The following GNA13 variants were observed in gnomAD, a reference collection of about 807,000 sequenced individuals.
GNA13 encodes the protein G protein subunit alpha 13, also known as guanine nucleotide-binding protein subunit alpha-13.
Under a neutral mutation model 33.5 loss-of-function variants are expected in GNA13, and 4 were observed. The observed-to-expected ratio is 0.12, with a 90% CI of 0.06 to 0.27. The LOEUF (loss-of-function observed/expected upper bound fraction) is 0.27, where lower values mean the gene tolerates loss of function less well. GNA13 is among the 10% of genes least tolerant of loss of function. The pLI is 1.00. For missense variants in GNA13, 319 were observed against 487.2 expected (o/e 0.65, Z 3.25); for synonymous variants, 176 against 183.8 (o/e 0.96, Z 0.34).
chr17:65,055,517 T>C, intron 1 of GNA13: 1 of 701,570 alleles, frequency 1.4e-6, no homozygotes, highest in Non-Finnish European at 1.8e-6. Flanking sequence ...TGGTACTCCC[T>C]TCCTGCCAGC....
chr17:65,039,924 T>A (rs1907394029), intron 2 of GNA13, among the ~76,000 whole-genome samples: 1 of 152,196 alleles, frequency 6.6e-6, no homozygotes, highest in Non-Finnish European at 1.5e-5. Flanking sequence ...AATAACACAT[T>A]TCCTGTAATC....
chr17:65,045,524 A>AC (rs1298591925), intron 2 of GNA13, among the ~76,000 whole-genome samples: 29 of 151,562 alleles, frequency 1.9e-4, no homozygotes, highest in Middle Eastern at 3.4e-3. Context: ...AAAAAAAAAA[A>AC]AAAACCAAAC....
At chr17:65,032,656 G>A (rs909075984) in intron 2 of GNA13, among the ~76,000 whole-genome samples, 2 of 152,164 alleles carry the variant, frequency 1.3e-5, no homozygotes, top group Non-Finnish European at 2.9e-5. Flanking sequence ...CTGGTTCTCA[G>A]AGCTTACCAT....
chr17:65,030,788 G>A (rs1408392798), intron 2 of GNA13, among the ~76,000 whole-genome samples: 1 of 152,150 alleles, frequency 6.6e-6, no homozygotes, highest in Non-Finnish European at 1.5e-5. Flanking sequence ...CAAGATCAGA[G>A]GACTTTTTGA....
rs745582880 is a variant in GNA13, at chr17:65,018,319, AAAC to A, written c.511-19_511-17del. 1.7e-5 allele frequency: 22 copies of A among 1,289,808 alleles called. No homozygotes were observed. In the Middle Eastern group the frequency reaches 5.5e-4, roughly 32 times the overall value. 79.9% of individuals were successfully genotyped at this position (1,289,808 alleles called of 1,614,324 possible). ...CAGATTCACCCTAAAAACAAGAAGA[AAAC>A]AAATAGTTATTAGGGCTTAGAAATG... On this transcript the variant is annotated splice_polypyrimidine_tract_variant and intron_variant, in intron 2 of 3. Coordinates refer to ENST00000439174, the MANE Select transcript of GNA13 (RefSeq NM_006572.6).
At chr17:65,029,008 GAGA>G (rs1321942968) in intron 2 of GNA13, among the ~76,000 whole-genome samples, 2 of 152,146 alleles carry the variant, frequency 1.3e-5, no homozygotes, top group African/African-American at 2.4e-5. Flanking sequence ...ATATAATACT[GAGA>G]AGTTCACCTG....
intron 1 of GNA13, among the ~76,000 whole-genome samples, chr17:65,055,420 C>A (rs942135922): frequency 6.6e-6 from 1 of 152,186 alleles, no homozygotes; most frequent in Non-Finnish European, 1.5e-5. Flanking sequence ...TCTAACTCAA[C>A]ACTCATTCAT....
rs192248295 is a variant in GNA13, at chr17:65,036,365, G to C, written c.510+17137C>G. 1.8e-3 allele frequency among the ~76,000 whole-genome samples: 278 copies of C among 152,278 alleles called. 2 individuals are homozygous for C. Among genetic ancestry groups the C allele is most frequent in the Admixed American group, 2.9e-3 (45 of 15,290 alleles). On this transcript the variant is annotated intron_variant, in intron 2 of 3. Coordinates refer to ENST00000439174, the MANE Select transcript of GNA13 (RefSeq NM_006572.6). ...AGCAAGGCAGCTGAGTATCAGCCTCGGGCTTTGGAATCCTACAACCCGGAG... is the reference window on the plus strand; with the variant it reads ...AGCAAGGCAGCTGAGTATCAGCCTCCGGCTTTGGAATCCTACAACCCGGAG...
At chr17:65,046,101 C>T (rs1465330927) in intron 2 of GNA13, among the ~76,000 whole-genome samples, 1 of 152,082 alleles carries the variant, frequency 6.6e-6, no homozygotes, top group Non-Finnish European at 1.5e-5. Context: ...AACAGTATAT[C>T]TTGTTTTGCT....
chr17:65,039,595 CT>C (rs1002486130), intron 2 of GNA13, among the ~76,000 whole-genome samples: 1 of 152,234 alleles, frequency 6.6e-6, no homozygotes, highest in African/African-American at 2.4e-5. Flanking sequence ...CTGGAGCATT[CT>C]TCCCCCTCCT....
chr17:65,048,199 T>C (rs1028462009), intron 2 of GNA13, among the ~76,000 whole-genome samples: 4 of 152,302 alleles, frequency 2.6e-5, no homozygotes, highest in African/African-American at 9.6e-5. Flanking sequence ...GTAACAAGTG[T>C]TGCCTTATTT....
At chr17:65,044,846 G>A (rs550693427) in intron 2 of GNA13, among the ~76,000 whole-genome samples, 14 of 151,682 alleles carry the variant, frequency 9.2e-5, no homozygotes, top group Admixed American at 8.5e-4. Context: ...AGTTCAAGAC[G>A]AGCCCGGCCA....
At position 65,056,676 on chromosome 17, in the gene GNA13, G is replaced by A. The variant is rs1326903754; in HGVS notation, c.-83C>T. 5.5e-6 allele frequency: 6 copies of A among 1,082,946 alleles called. No homozygotes were observed. In the African/African-American group the frequency reaches 9.9e-5, roughly 18 times the overall value. 67.1% of individuals were successfully genotyped at this position (1,082,946 alleles called of 1,614,324 possible). A position where few individuals can be genotyped will look rare whatever the true frequency, so the allele number is the denominator to read the frequency against. ...CGGCGGCGGGCGGCTCCGGCACCGA[G>A]GCTCGAGGGCGGGGAGCGCGGCGGC... On this transcript the variant is annotated 5_prime_UTR_variant, in exon 1 of 4. Transcript: ENST00000439174.
At chr17:65,031,919 A>AGTGTGT (rs1907050606) in intron 2 of GNA13, among the ~76,000 whole-genome samples, 1 of 125,480 alleles carries the variant, frequency 8.0e-6, no homozygotes, top group Non-Finnish European at 1.7e-5. Context: ...AGAGAGAGAG[A>AGTGTGT]GAGTGTGTGT....
At chr17:65,020,355 T>C (rs1348853489) in intron 2 of GNA13, among the ~76,000 whole-genome samples, 3 of 152,208 alleles carry the variant, frequency 2.0e-5, no homozygotes, top group Non-Finnish European at 4.4e-5. Flanking sequence ...CAGAGTTACA[T>C]GAAGAAGTTC....
Position 65,019,167 on chromosome 17 carries a change from G to A in GNA13, c.511-864C>T, listed in dbSNP as rs569903621. 2.6e-5 allele frequency among the ~76,000 whole-genome samples: 4 copies of A among 151,966 alleles called. No homozygotes were observed. In the East Asian group the frequency reaches 7.7e-4, roughly 29 times the overall value. Reference sequence around the variant, plus strand: ...AAGATCTCCTCACACTGCAGGCTCCGGTTTAGTAGGTCTGGGTGGGACCCC... The same window carrying A: ...AAGATCTCCTCACACTGCAGGCTCCAGTTTAGTAGGTCTGGGTGGGACCCC... On this transcript the variant is annotated intron_variant, in intron 2 of 3. Transcript: ENST00000439174.
At chr17:65,035,813 C>T (rs11079552) in intron 2 of GNA13, among the ~76,000 whole-genome samples, 149,520 of 151,714 alleles carry the variant, frequency 0.99, 73,716 homozygotes, top group Middle Eastern at 1. Context: ...CAAAAAGCAA[C>T]GACTTCAATT....
chr17:65,035,825 T>A (rs1191656187), intron 2 of GNA13, among the ~76,000 whole-genome samples: 2 of 151,850 alleles, frequency 1.3e-5, no homozygotes, highest in East Asian at 3.9e-4. Context: ...ACTTCAATTG[T>A]TAAAAAGAAA....
intron 2 of GNA13, among the ~76,000 whole-genome samples, chr17:65,037,291 A>C (rs1598491964): frequency 6.6e-6 from 1 of 152,200 alleles, no homozygotes; most frequent in East Asian, 1.9e-4. Flanking sequence ...CAGAGGGTTG[A>C]AAGTACTGTA....
Sources: gnomAD v4.1 joint callset for allele counts (sites outside exome capture counted in the v4.1 genomes callset) on GRCh38, gnomAD v4.1.1 for gene constraint, MANE v1.5 for transcripts, NCBI Gene and HGNC (gene_info 2026-07-23, HGNC 2026-07-21) for gene names.